The following DKK2 variants were observed in gnomAD, a reference collection of about 807,000 sequenced individuals.
DKK2 encodes the protein dickkopf Wnt signaling pathway inhibitor 2.
In DKK2, 11 loss-of-function variants were observed where a neutral mutation model predicts 28.1. The observed-to-expected ratio is 0.39, with a 90% CI of 0.25 to 0.65. The LOEUF (loss-of-function observed/expected upper bound fraction) is 0.65, where lower values mean the gene tolerates loss of function less well. Ranked by LOEUF, DKK2 falls within the 30% of genes least tolerant of loss-of-function variation. The pLI is 0.47. For missense variants in DKK2, 326 were observed against 335.5 expected, an observed-to-expected ratio of 0.97 and a Z score of 0.22; for synonymous variants, 135 against 126.5, an observed-to-expected ratio of 1.07 and a Z score of -0.45.
intron 1 of DKK2, among the ~76,000 whole-genome samples, chr4:106,935,628 C>T (rs1176554503): frequency 1.3e-5 from 2 of 152,232 alleles, no homozygotes; most frequent in Non-Finnish European, 2.9e-5. Flanking sequence ...CTCAAGGAGG[C>T]CTGCCTGCTT....
In DKK2 at chr4:106,957,606, A is replaced by T. The variant is rs1449060507; in HGVS notation, c.223-31657T>A. On this transcript the variant is annotated intron_variant, in intron 1 of 3. Transcript: ENST00000285311. ...TGATGAGTTCATGTCCTTTGTAAGG[A>T]CATGGATGAAATTGGAAATCATCAT... Among the ~76,000 whole-genome samples the T allele has an allele frequency of 2.0e-5, 3 of 151,856 alleles. No homozygotes were observed. In the East Asian group the frequency reaches 5.8e-4, roughly 29 times the overall value.
At chr4:107,031,641 A>G (rs1422282755) in intron 1 of DKK2, among the ~76,000 whole-genome samples, 2 of 152,062 alleles carry the variant, frequency 1.3e-5, no homozygotes, top group Admixed American at 6.5e-5. Flanking sequence ...TTAAAATATA[A>G]CTATAAATAT....
intron 1 of DKK2, among the ~76,000 whole-genome samples, chr4:107,029,726 C>G (rs1723847777): frequency 6.6e-6 from 1 of 151,948 alleles, no homozygotes; most frequent in East Asian, 1.9e-4. Context: ...AGTCATTTTC[C>G]CTAATTGTGA....
intron 1 of DKK2, among the ~76,000 whole-genome samples, chr4:106,991,129 GA>G (rs1213095463): frequency 6.6e-6 from 1 of 152,080 alleles, no homozygotes; most frequent in Non-Finnish European, 1.5e-5. Context: ...CATTTTATAT[GA>G]AACAATAAGT....
chr4:106,928,139 T>C (rs1402075374), intron 1 of DKK2, among the ~76,000 whole-genome samples: 1 of 152,116 alleles, frequency 6.6e-6, no homozygotes, highest in Non-Finnish European at 1.5e-5. Context: ...CTGGAAAATA[T>C]TAAAATGACA....
intron 1 of DKK2, among the ~76,000 whole-genome samples, chr4:106,966,078 G>A (rs1446465358): frequency 6.6e-6 from 1 of 151,958 alleles, no homozygotes; most frequent in Non-Finnish European, 1.5e-5. Context: ...GTCTTTACCG[G>A]AACCAGCCGC....
intron 1 of DKK2, among the ~76,000 whole-genome samples, chr4:107,018,871 T>C (rs904054902): frequency 6.6e-6 from 1 of 152,058 alleles, no homozygotes; most frequent in Non-Finnish European, 1.5e-5. Context: ...CTCTTGCAAT[T>C]TGGGGAGCTG....
At position 106,924,081 on chromosome 4, in the gene DKK2, C is replaced by T. The variant is rs1224653488; in HGVS notation, c.653G>A (p.Arg218His). Residue 218 changes from arginine (R) to histidine (H), a missense_variant, in exon 4 of 4, where the codon CGC (arginine) becomes CAC (histidine). Transcript: ENST00000285311. ...LHQGEVCTKQ[R>H]KKGSHGLEIF... The stretch of plus-strand genomic sequence containing the variant: ...TTCCAGCCCATGAGAACCCTTCTTG[C>T]GTTGTTTGGTACAGACTTCCCCCTG... The T allele has an allele frequency of 2.5e-6, 4 of 1,613,928 alleles. No individual in the cohort carries two copies. Among genetic ancestry groups the T allele is most frequent in the Non-Finnish European group, 3.4e-6 (4 of 1,179,920 alleles).
chr4:106,971,478 C>T (rs1722867702), intron 1 of DKK2, among the ~76,000 whole-genome samples: 1 of 152,050 alleles, frequency 6.6e-6, no homozygotes, highest in South Asian at 2.1e-4. Context: ...TCTCTAAGAT[C>T]ATCTAAACCA....
intron 1 of DKK2, among the ~76,000 whole-genome samples, chr4:106,965,959 T>G (rs1308218755): frequency 6.6e-6 from 1 of 151,492 alleles, no homozygotes; most frequent in Non-Finnish European, 1.5e-5. Flanking sequence ...TATTCCATGG[T>G]GTATATGTGC....
chr4:106,950,250 A>G (rs1399824463), intron 1 of DKK2, among the ~76,000 whole-genome samples: 1 of 152,182 alleles, frequency 6.6e-6, no homozygotes, highest in Non-Finnish European at 1.5e-5. Context: ...GCTCAGACCA[A>G]AAACCTTGGA....
intron 1 of DKK2, among the ~76,000 whole-genome samples, chr4:106,990,321 G>A (rs565707153): frequency 5.1e-4 from 78 of 152,316 alleles, no homozygotes; most frequent in Non-Finnish European, 8.8e-4. Context: ...AAAAGACGTA[G>A]TGTAGTAGTC....
chr4:106,985,747 T>C (rs1479653115), intron 1 of DKK2, among the ~76,000 whole-genome samples: 1 of 148,814 alleles, frequency 6.7e-6, no homozygotes, highest in Non-Finnish European at 1.5e-5. Context: ...AGGCAGAGGT[T>C]GCAGTGAGCT....
At chr4:106,961,980 T>C (rs1349792000) in intron 1 of DKK2, among the ~76,000 whole-genome samples, 2 of 152,166 alleles carry the variant, frequency 1.3e-5, no homozygotes, top group African/African-American at 2.4e-5. Context: ...AATCCACCGA[T>C]AATTCTCAAG....
At chr4:107,025,697 T>G (rs938146905) in intron 1 of DKK2, among the ~76,000 whole-genome samples, 37 of 152,298 alleles carry the variant, frequency 2.4e-4, no homozygotes, top group Admixed American at 9.8e-4. Flanking sequence ...GTATCAGGAC[T>G]GAAAAAGTGA....
intron 1 of DKK2, among the ~76,000 whole-genome samples, chr4:106,981,721 T>C (rs1168625360): frequency 1.3e-5 from 2 of 152,184 alleles, no homozygotes; most frequent in East Asian, 3.9e-4. Context: ...AAAGCCCATC[T>C]TTTTGGATGC....
chr4:106,950,860 T>G (rs1330985177), intron 1 of DKK2, among the ~76,000 whole-genome samples: 1 of 152,168 alleles, frequency 6.6e-6, no homozygotes, highest in Admixed American at 6.6e-5. Context: ...CATGAAACCA[T>G]AACTTGAGTA....
At chr4:106,962,825 T>C (rs1022896534) in intron 1 of DKK2, among the ~76,000 whole-genome samples, 3 of 151,734 alleles carry the variant, frequency 2.0e-5, no homozygotes. Context: ...AGATAACACG[T>C]AGAATAGGAT....
rs539582052 is a variant in DKK2 at position 107,018,460 on chromosome 4, T to C, written c.222+16910A>G. On this transcript the variant is annotated intron_variant, in intron 1 of 3. Coordinates refer to ENST00000285311, the MANE Select transcript of DKK2 (RefSeq NM_014421.3). ...CTTTCTCTTATTTTAAAATAAACAA[T>C]TTTAGGAAGAGGGGATTAAAGGCTC... 9.2e-5 allele frequency among the ~76,000 whole-genome samples: 14 copies of C among 152,090 alleles called. No individual in the cohort carries two copies. In the East Asian group the frequency reaches 2.1e-3, roughly 23 times the overall value.
Sources: gnomAD v4.1 joint callset for allele counts (sites outside exome capture counted in the v4.1 genomes callset) on GRCh38, gnomAD v4.1.1 for gene constraint, MANE v1.5 for transcripts, NCBI Gene and HGNC (gene_info 2026-07-23, HGNC 2026-07-21) for gene names.